Variants in TRHDE observed in about 807,000 individuals in gnomAD.
The protein encoded by TRHDE is thyrotropin releasing hormone degrading enzyme, also known as thyrotropin-releasing hormone-degrading ectoenzyme.
A neutral mutation model predicts 125.7 loss-of-function variants in TRHDE; 72 were observed. The ratio of observed to expected loss-of-function variants is 0.57; its 90% CI spans 0.47 to 0.70. The LOEUF (loss-of-function observed/expected upper bound fraction) is 0.70, where lower values mean the gene tolerates loss of function less well. Among genes scored for constraint, TRHDE ranks in the 30% least tolerant of loss-of-function variants. TRHDE has a pLI of 0.00. For synonymous variants in TRHDE, 509 were observed against 509.1 expected, an observed-to-expected ratio of 1.00 and a Z score of 0.00; for missense variants, 1,110 against 1,327.1, an observed-to-expected ratio of 0.84 and a Z score of 2.54.
At chr12:72,353,656 G>C (rs1353629377) in intron 2 of TRHDE, among the ~76,000 whole-genome samples, 1 of 151,360 alleles carries the variant, frequency 6.6e-6, no homozygotes, top group African/African-American at 2.4e-5. Context: ...ATGGAAATCT[G>C]TTTTAGAACC....
chr12:72,597,255 T>C (rs1458381309), intron 12 of TRHDE, among the ~76,000 whole-genome samples: 2 of 152,178 alleles, frequency 1.3e-5, no homozygotes, highest in Non-Finnish European at 1.5e-5. Context: ...TGAAAATATT[T>C]TGGGGTTTCT....
chr12:72,563,557 G>T (rs1870286855), intron 9 of TRHDE, among the ~76,000 whole-genome samples: 1 of 152,074 alleles, frequency 6.6e-6, no homozygotes, highest in African/African-American at 2.4e-5. Flanking sequence ...CTTATTTTTA[G>T]TGTTTAAAAT....
At chr12:72,110,906 T>G (rs1161168776) in intron 2 of TRHDE, among the ~76,000 whole-genome samples, 2 of 152,184 alleles carry the variant, frequency 1.3e-5, no homozygotes, top group African/African-American at 4.8e-5. Context: ...ACAATTCCGA[T>G]GTGCTCAAAT....
In TRHDE at chr12:72,594,502, GT is replaced by G. The variant is rs11446527; in HGVS notation, c.2321+18976del. ...TAAAGCTCTGGGATTACAGATGTGA[GT>G]TTTTTTTTTTTTTTTAATATTACTA... is the stretch of plus-strand genomic sequence containing the variant. On this transcript the variant is annotated intron_variant, in intron 12 of 18. Transcript: ENST00000261180. 3.8e-3 allele frequency among the ~76,000 whole-genome samples: 522 copies of G among 135,934 alleles called. 3 individuals are homozygous for G. Among genetic ancestry groups the G allele is most frequent in the South Asian group, 0.017 (70 of 4,116 alleles). 89.2% of individuals were successfully genotyped at this position (135,934 alleles called of 152,430 possible).
chr12:72,476,612 C>T (rs1354092944), intron 5 of TRHDE, among the ~76,000 whole-genome samples: 1 of 152,164 alleles, frequency 6.6e-6, no homozygotes, highest in Non-Finnish European at 1.5e-5. Context: ...AGGCTCATGT[C>T]AGGAGTAAAG....
chr12:72,500,501 C>T (rs1878103508), intron 6 of TRHDE, among the ~76,000 whole-genome samples: 1 of 152,132 alleles, frequency 6.6e-6, no homozygotes, highest in African/African-American at 2.4e-5. Flanking sequence ...AAGTGATTCT[C>T]CTGCCTTAGC....
In TRHDE at chr12:72,332,231, C is replaced by T. The variant is rs577754000; in HGVS notation, c.1188+45277C>T. ...TCGGCTCACTGCAAGCTCCACCTCC[C>T]GGGTTCACGCCATTCTCCAGCCTCA... On this transcript the variant is annotated intron_variant, in intron 2 of 18. Transcript: ENST00000261180. 6.2e-4 allele frequency among the ~76,000 whole-genome samples: 95 copies of T among 152,206 alleles called. 3 individuals carry two copies. The South Asian group carries it at 0.017, about 27-fold the overall frequency.
At chr12:72,575,904 A>G (rs971530850) in intron 12 of TRHDE, among the ~76,000 whole-genome samples, 5 of 152,116 alleles carry the variant, frequency 3.3e-5, no homozygotes, top group Non-Finnish European at 7.4e-5. Context: ...GATGTATACT[A>G]GTATATCTTT....
intron 15 of TRHDE, among the ~76,000 whole-genome samples, chr12:72,644,352 T>A (rs930521923): frequency 6.6e-6 from 1 of 152,186 alleles, no homozygotes; most frequent in Non-Finnish European, 1.5e-5. Context: ...GAAGACTGGC[T>A]TCTGTCTTGC....
chr12:72,340,283 G>A (rs1870023359), intron 2 of TRHDE, among the ~76,000 whole-genome samples: 2 of 152,086 alleles, frequency 1.3e-5, no homozygotes, highest in Non-Finnish European at 2.9e-5. Context: ...GATGTTTTTT[G>A]TTATAAGGCT....
chr12:72,389,512 G>A (rs1478761577), intron 3 of TRHDE, among the ~76,000 whole-genome samples: 3 of 152,174 alleles, frequency 2.0e-5, no homozygotes, highest in African/African-American at 7.2e-5. Flanking sequence ...TCATGGTTCT[G>A]GAGGCTAGAC....
In TRHDE at chr12:72,656,794, G is replaced by C. The variant is rs73316850; in HGVS notation, c.2985-133G>C. On this transcript the variant is annotated intron_variant, in intron 17 of 18. Coordinates refer to ENST00000261180, the MANE Select transcript of TRHDE (RefSeq NM_013381.3). The stretch of plus-strand genomic sequence containing the variant: ...TGACTCCCTAGAGAAATGGGCTTGA[G>C]TGCTCAGAGATCTGGCAGTCTCTGA... The C allele has an allele frequency of 7.5e-4, 492 of 651,738 alleles. 3 individuals carry two copies. In the African/African-American group the frequency reaches 8.0e-3, roughly 11 times the overall value. The allele number at this position is 651,738 out of a possible 1,614,324, so 40.4% of individuals were successfully genotyped here. A position where few individuals can be genotyped will look rare whatever the true frequency, so the allele number is the denominator to read the frequency against.
chr12:72,405,134 T>C (rs1357565837), intron 3 of TRHDE, among the ~76,000 whole-genome samples: 2 of 152,188 alleles, frequency 1.3e-5, no homozygotes, highest in African/African-American at 4.8e-5. Context: ...ATCCTTATCA[T>C]TAGCTGTTTT....
chr12:72,395,106 C>A (rs190251447), intron 3 of TRHDE, among the ~76,000 whole-genome samples: 141 of 152,220 alleles, frequency 9.3e-4, no homozygotes, highest in African/African-American at 3.0e-3. Context: ...GTTGTTCTTA[C>A]CTATAGTCTC....
intron 15 of TRHDE, among the ~76,000 whole-genome samples, chr12:72,624,726 T>C (rs975665361): frequency 2.0e-5 from 3 of 151,942 alleles, no homozygotes; most frequent in African/African-American, 4.8e-5. Flanking sequence ...GTGTGTTGAA[T>C]TGCAATGGTG....
At position 72,667,055 on chromosome 12, in the gene TRHDE, A is replaced by G. The variant is rs963200711; in HGVS notation, c.*3860A>G. 1 of 152,008 alleles carries G rather than the reference A, an allele frequency of 6.6e-6. No individual in the cohort carries two copies. The highest frequency in any genetic ancestry group is 6.6e-5 in the Admixed American group (1 of 15,226). The allele number at this position is 152,008 out of a possible 1,614,324, so 9.4% of individuals were successfully genotyped here. On this transcript the variant is annotated 3_prime_UTR_variant, in exon 19 of 19. Coordinates refer to ENST00000261180, the MANE Select transcript of TRHDE (RefSeq NM_013381.3). ...AAAAATAATATTCAGTAAAATGTCT[A>G]TAAATCTATGCAGATTAAGTTGTGA...
chr12:72,146,112 T>G (rs1391172400), intron 2 of TRHDE, among the ~76,000 whole-genome samples: 1 of 152,148 alleles, frequency 6.6e-6, no homozygotes, highest in African/African-American at 2.4e-5. Context: ...CTATTAAAGG[T>G]ATTTAGGAGT....
intron 6 of TRHDE, among the ~76,000 whole-genome samples, chr12:72,522,894 C>T (rs1020239434): frequency 1.3e-5 from 2 of 152,118 alleles, no homozygotes; most frequent in African/African-American, 2.4e-5. Flanking sequence ...ATGCATTTGT[C>T]AGCTCACAGT....
intron 2 of TRHDE, among the ~76,000 whole-genome samples, chr12:72,357,450 T>C (rs1013292096): frequency 6.6e-6 from 1 of 151,596 alleles, no homozygotes; most frequent in African/African-American, 2.4e-5. Flanking sequence ...ATGTAAGTGA[T>C]ATTAAGCAAT....
Sources: gnomAD v4.1 joint callset for allele counts (sites outside exome capture counted in the v4.1 genomes callset) on GRCh38, gnomAD v4.1.1 for gene constraint, MANE v1.5 for transcripts, NCBI Gene and HGNC (gene_info 2026-07-23, HGNC 2026-07-21) for gene names.